Variants in CHST1 observed in about 807,000 individuals in gnomAD.
The protein encoded by CHST1 is carbohydrate sulfotransferase 1.
CHST1 carries 10 observed loss-of-function variants against 22.5 expected under a neutral mutation model. The observed-to-expected ratio is 0.44, with a 90% CI of 0.27 to 0.75. CHST1 has a LOEUF of 0.75. CHST1 is among the 30% of genes least tolerant of loss of function. The probability of loss-of-function intolerance (pLI) is 0.15; values close to 1 mark genes in which losing one functional copy is unlikely to be tolerated. For synonymous variants in CHST1, 267 were observed against 264.5 expected (o/e 1.01, Z -0.09); for missense variants, 439 against 576.1 (o/e 0.76, Z 2.44).
rs984730829 is a variant in CHST1, at chr11:45,648,251, G to A, written c.*1437C>T. ...TAGACCCAGACCCACCAACTAAATG[G>A]GTAACATTTAGCACAAGAAGGGATT... On this transcript the variant is annotated 3_prime_UTR_variant, in exon 4 of 4. Coordinates refer to ENST00000308064, the MANE Select transcript of CHST1 (RefSeq NM_003654.6). Among the ~76,000 whole-genome samples the A allele has an allele frequency of 3.3e-5, 5 of 151,942 alleles. No homozygotes were observed. The highest frequency in any genetic ancestry group is 5.9e-5 in the Non-Finnish European group (4 of 68,014).
chr11:45,661,443 T>C (rs1325920445), intron 1 of CHST1, among the ~76,000 whole-genome samples: 1 of 152,088 alleles, frequency 6.6e-6, no homozygotes, highest in South Asian at 2.1e-4. Context: ...AGCAAAACAG[T>C]CCAGAGAGAC....
chr11:45,650,003 C>T lies in CHST1; in HGVS notation c.921G>A (p.Arg307=). ...YMLVRYEDLA[R]NPMKKTEEIY... ...TCTCCTCGGTCTTCTTCATAGGGTT[C>T]CGAGCCAGGTCCTCGTAGCGCACCA... is the stretch of plus-strand genomic sequence containing the variant. Residue 307 remains arginine, a synonymous_variant, in exon 4 of 4, where the codon CGG becomes CGA. Transcript: ENST00000308064. 6.2e-7 allele frequency: 1 copy of T among 1,614,056 alleles called. No individual in the cohort carries two copies. Among genetic ancestry groups the T allele is most frequent in the African/African-American group, 1.3e-5 (1 of 75,044 alleles).
At chr11:45,652,994 G>A (rs1483649747) in intron 1 of CHST1, among the ~76,000 whole-genome samples, 4 of 152,230 alleles carry the variant, frequency 2.6e-5, no homozygotes, top group African/African-American at 7.2e-5. Context: ...TCAGCATGAC[G>A]GGGACTGGGC....
At chr11:45,662,921 C>T (rs763595128) in intron 1 of CHST1, among the ~76,000 whole-genome samples, 14 of 152,098 alleles carry the variant, frequency 9.2e-5, no homozygotes, top group East Asian at 1.9e-4. Context: ...CAGTCCCCAC[C>T]GAAGGGAGTT....
At position 45,649,419 on chromosome 11, in the gene CHST1, C is replaced by T. The variant is rs45476392; in HGVS notation, c.*269G>A. On this transcript the variant is annotated 3_prime_UTR_variant, in exon 4 of 4. Coordinates refer to ENST00000308064, the MANE Select transcript of CHST1 (RefSeq NM_003654.6). ...GGTGCTTGTAAACATTGTCACCGTCCGCACAGAGACCCAACATCCATGTGT... is the reference window on the plus strand; with the variant it reads ...GGTGCTTGTAAACATTGTCACCGTCTGCACAGAGACCCAACATCCATGTGT... The T allele has an allele frequency of 0.014, 6,793 of 490,606 alleles. 74 individuals carry two copies. The highest frequency in any genetic ancestry group is 0.016 in the Non-Finnish European group (4,514 of 280,380). The allele number at this position is 490,606 out of a possible 1,614,324, so 30.4% of individuals were successfully genotyped here. A position where few individuals can be genotyped will look rare whatever the true frequency, so the allele number is the denominator to read the frequency against.
chr11:45,662,799 G>A (rs1332923045), intron 1 of CHST1, among the ~76,000 whole-genome samples: 1 of 152,178 alleles, frequency 6.6e-6, no homozygotes, highest in Admixed American at 6.5e-5. Flanking sequence ...GGGAGAAGCA[G>A]CAGCCTGCCA....
Position 45,650,579 on chromosome 11 carries a change from G to A in CHST1, c.345C>T (p.Val115=). Residue 115 remains valine, a synonymous_variant, in exon 4 of 4, where the codon GTC becomes GTT. Transcript: ENST00000308064. The part of the protein sequence containing the change: ...TQGKSPADRR[V]MLGASRDLLR... ...GGAGGTCGCGGCTGGCGCCTAGCAT[G>A]ACCCGCCGGTCGGCCGGGCTCTTGC... 1.2e-6 allele frequency: 2 copies of A among 1,613,688 alleles called. No individual in the cohort carries two copies. The highest frequency in any genetic ancestry group is 1.7e-6 in the Non-Finnish European group (2 of 1,179,876).
At chr11:45,654,416 G>T (rs1273655046) in intron 1 of CHST1, among the ~76,000 whole-genome samples, 1 of 152,250 alleles carries the variant, frequency 6.6e-6, no homozygotes, top group African/African-American at 2.4e-5. Context: ...CAAAGCCAGG[G>T]AATGGGAACG....
chr11:45,650,482 T>C lies in CHST1; in HGVS notation c.442A>G (p.Thr148Ala). 2 of 1,613,058 alleles carry C rather than the reference T, an allele frequency of 1.2e-6. No individual in the cohort carries two copies. The highest frequency in any genetic ancestry group is 1.1e-5 in the South Asian group (1 of 91,042). Residue 148 changes from threonine to alanine, a missense_variant, in exon 4 of 4, where the codon ACC becomes GCC. Transcript: ENST00000308064. ...GCCCCGCGGCGGAAGATCCTGTCGGTGGTGTGGTTGACCGGCGGCGGCTTG... is the reference window on the plus strand; with the variant it reads ...GCCCCGCGGCGGAAGATCCTGTCGGCGGTGTGGTTGACCGGCGGCGGCTTG... ...YIKPPPVNHT[T>A]DRIFRRGASR...
chr11:45,659,853 G>A (rs886887846), intron 1 of CHST1, among the ~76,000 whole-genome samples: 2 of 152,188 alleles, frequency 1.3e-5, no homozygotes, highest in Admixed American at 6.5e-5. Context: ...ATGGGGCATC[G>A]GGTTTGGGCT....
At chr11:45,651,224 A>G in intron 3 of CHST1, 1 of 277,652 alleles carries the variant, frequency 3.6e-6, no homozygotes, top group Non-Finnish European at 6.7e-6. Flanking sequence ...TCTTATCCTG[A>G]GCTCTGAGTT....
rs956588424 is a variant in CHST1, at chr11:45,665,410, C to T, written c.-459G>A. On this transcript the variant is annotated 5_prime_UTR_variant, in exon 1 of 4. Coordinates refer to ENST00000308064, the MANE Select transcript of CHST1 (RefSeq NM_003654.6). The surrounding 1 kb of genome is among the most constrained non-coding windows in gnomAD (Gnocchi z 4.0). The stretch of plus-strand genomic sequence containing the variant: ...CCGGGGGCGCGAGCCCGGGGCGGCT[C>T]GAGCAGCTGAGTGCGTTCTCTCCGG... 2 of 151,730 alleles carry T rather than the reference C, an allele frequency of 1.3e-5. No individual in the cohort carries two copies. Among genetic ancestry groups the T allele is most frequent in the Non-Finnish European group, 2.9e-5 (2 of 67,900 alleles). The allele number at this position is 151,730 out of a possible 1,614,324, so 9.4% of individuals were successfully genotyped here.
In CHST1 at chr11:45,647,976, C is replaced by A. The variant is rs547907777; in HGVS notation, c.*1712G>T. Among the ~76,000 whole-genome samples, 2 of 152,176 alleles carry A rather than the reference C, an allele frequency of 1.3e-5. No individual in the cohort carries two copies. The highest frequency in any genetic ancestry group is 4.8e-5 in the African/African-American group (2 of 41,440). On this transcript the variant is annotated 3_prime_UTR_variant, in exon 4 of 4. Transcript: ENST00000308064. ...CACCAGACACTCCTTTGTCCCAGGACAACAAAGCTGTGACCTGCAGCCACC... is the reference window on the plus strand; with the variant it reads ...CACCAGACACTCCTTTGTCCCAGGAAAACAAAGCTGTGACCTGCAGCCACC...
Position 45,648,590 on chromosome 11 carries a change from C to T in CHST1, c.*1098G>A, listed in dbSNP as rs1263023989. The stretch of plus-strand genomic sequence containing the variant: ...CCTGTAGTCCCAGTCACTCGGGAGG[C>T]TGAGGCGGGAGAACTGCTTGAACCT... On this transcript the variant is annotated 3_prime_UTR_variant, in exon 4 of 4. Transcript: ENST00000308064. Among the ~76,000 whole-genome samples the T allele has an allele frequency of 6.6e-6, 1 of 151,826 alleles. No individual in the cohort carries two copies. Among genetic ancestry groups the T allele is most frequent in the Admixed American group, 6.6e-5 (1 of 15,254 alleles).
At chr11:45,655,351 C>T (rs1283258177) in intron 1 of CHST1, among the ~76,000 whole-genome samples, 1 of 152,222 alleles carries the variant, frequency 6.6e-6, no homozygotes, top group Non-Finnish European at 1.5e-5. Context: ...TGGCTCTGCC[C>T]ACCGCCCCTT....
intron 1 of CHST1, among the ~76,000 whole-genome samples, chr11:45,657,471 T>A (rs986173363): frequency 6.6e-6 from 1 of 152,192 alleles, no homozygotes; most frequent in Non-Finnish European, 1.5e-5. Flanking sequence ...GATTAAAGCA[T>A]CCACTCAAGA....
At chr11:45,660,611 T>A (rs542180386) in intron 1 of CHST1, among the ~76,000 whole-genome samples, 1 of 152,202 alleles carries the variant, frequency 6.6e-6, no homozygotes. Flanking sequence ...GCTGTTAGCA[T>A]AGTGACTGGC....
Position 45,650,769 on chromosome 11 carries a change from G to A in CHST1, c.155C>T (p.Thr52Ile). Residue 52 changes from threonine (T) to isoleucine (I), a missense_variant, in exon 4 of 4, where the codon ACC becomes ATC. Coordinates refer to ENST00000308064, the MANE Select transcript of CHST1 (RefSeq NM_003654.6). Reference protein sequence around the residue: ...LAERLCEESPTFAYNLSRKTH... With the variant: ...LAERLCEESPIFAYNLSRKTH... ...CTTGCGGGAGAGGTTGTAGGCGAAG[G>A]TGGGGCTCTCCTCGCACAGTCGCTC... The A allele has an allele frequency of 1.2e-6, 2 of 1,614,108 alleles. No homozygotes were observed. The highest frequency in any genetic ancestry group is 1.1e-5 in the South Asian group (1 of 91,080).
intron 3 of CHST1, 98 bp from the exon 4 acceptor site, chr11:45,651,063 C>G (rs1002075371): frequency 1.1e-6 from 1 of 871,120 alleles, no homozygotes; most frequent in Admixed American, 3.1e-5. Context: ...GGGAAAGGCC[C>G]GGCTCCTGTC....
Sources: allele counts gnomAD v4.1 joint callset (sites outside exome capture counted in the v4.1 genomes callset), GRCh38; gene constraint gnomAD v4.1.1; non-coding constraint Gnocchi (gnomAD v3.1); transcripts MANE v1.5; gene names NCBI Gene and HGNC (gene_info 2026-07-23, HGNC 2026-07-21).